The following PTPRD variants were observed in gnomAD, a reference collection of about 807,000 sequenced individuals.
PTPRD encodes receptor-type tyrosine-protein phosphatase delta.
PTPRD carries 34 observed loss-of-function variants against 214.5 expected under a neutral mutation model. That is an observed-to-expected ratio of 0.16 (90% confidence interval 0.12 to 0.21). The LOEUF (loss-of-function observed/expected upper bound fraction) is 0.21. Among genes scored for constraint, PTPRD ranks in the 10% least tolerant of loss-of-function variants. The pLI is 1.00. For missense variants in PTPRD, 2,545 were observed against 2,398.7 expected (o/e 1.06, Z -1.27); for synonymous variants, 1,128 against 845.7 (o/e 1.33, Z -5.79).
At chr9:10,410,253 G>GTATATA (rs34284610) in intron 2 of PTPRD, among the ~76,000 whole-genome samples, 6,098 of 126,972 alleles carry the variant, frequency 0.048, 280 homozygotes, top group East Asian at 0.16. Context: ...CATATTTTGT[G>GTATATA]TATATATATA....
intron 10 of PTPRD, among the ~76,000 whole-genome samples, chr9:9,048,174 T>C (rs1262253895): frequency 6.6e-6 from 1 of 152,070 alleles, no homozygotes; most frequent in Non-Finnish European, 1.5e-5. Flanking sequence ...AGGATGTGAA[T>C]AAAATGGAAC....
chr9:9,831,317 G>A (rs977244107), intron 5 of PTPRD, among the ~76,000 whole-genome samples: 1 of 152,018 alleles, frequency 6.6e-6, no homozygotes. Context: ...TTAGCCTCAG[G>A]CTGAGGTAAC....
intron 9 of PTPRD, among the ~76,000 whole-genome samples, chr9:9,301,044 A>G (rs1419753544): frequency 1.3e-5 from 2 of 151,804 alleles, no homozygotes; most frequent in Non-Finnish European, 2.9e-5. Context: ...CTTATTCAGT[A>G]TCTGGCACAA....
chr9:10,124,459 A>T (rs1591755644), intron 3 of PTPRD, among the ~76,000 whole-genome samples: 1 of 152,142 alleles, frequency 6.6e-6, no homozygotes, highest in East Asian at 1.9e-4. Context: ...CTTTCACCTC[A>T]GTTTGGCCAC....
chr9:9,768,801 A>G (rs937430607), intron 5 of PTPRD, among the ~76,000 whole-genome samples: 4 of 152,240 alleles, frequency 2.6e-5, no homozygotes, highest in Admixed American at 2.6e-4. Context: ...AATAGTCAGC[A>G]TTACTGCCAG....
chr9:9,097,814 C>T (rs960446043), intron 10 of PTPRD, among the ~76,000 whole-genome samples: 10 of 151,664 alleles, frequency 6.6e-5, no homozygotes, highest in South Asian at 2.1e-4. Context: ...CTATTTTTCA[C>T]GGATGCTTGT....
chr9:8,339,097 T>G, intron 42 of PTPRD, 50 bp from the exon 43 acceptor site: 2 of 1,550,236 alleles, frequency 1.3e-6, no homozygotes, highest in Non-Finnish European at 1.8e-6. Flanking sequence ...TAAAGAACAT[T>G]CTGTATATTA....
At chr9:10,140,078 T>A (rs2098972602) in intron 3 of PTPRD, among the ~76,000 whole-genome samples, 2 of 151,464 alleles carry the variant, frequency 1.3e-5, no homozygotes, top group South Asian at 4.2e-4. Flanking sequence ...AGCAAGAGAG[T>A]TTCTCTTGAT....
intron 5 of PTPRD, among the ~76,000 whole-genome samples, chr9:9,845,855 T>A (rs1338984197): frequency 3.9e-5 from 6 of 152,058 alleles, no homozygotes; most frequent in Non-Finnish European, 2.9e-5. Context: ...AGCTAACTGG[T>A]TGTCAGTTAT....
At chr9:9,595,149 C>T (rs2093167360) in intron 7 of PTPRD, among the ~76,000 whole-genome samples, 1 of 151,420 alleles carries the variant, frequency 6.6e-6, no homozygotes, top group East Asian at 2.0e-4. Context: ...GAATGTAAAC[C>T]AGTGCAACCG....
At chr9:10,059,014 T>A (rs1017575043) in intron 3 of PTPRD, among the ~76,000 whole-genome samples, 10 of 152,146 alleles carry the variant, frequency 6.6e-5, no homozygotes, top group African/African-American at 2.4e-4. Flanking sequence ...AATAAATTCA[T>A]TTACTTTGAA....
At chr9:10,596,657 T>C (rs1360366071) in intron 2 of PTPRD, among the ~76,000 whole-genome samples, 1 of 151,660 alleles carries the variant, frequency 6.6e-6, no homozygotes, top group Non-Finnish European at 1.5e-5. Flanking sequence ...AGTGTAATGA[T>C]AAACATCCCT....
At chr9:10,380,462 G>A (rs182944405) in intron 2 of PTPRD, among the ~76,000 whole-genome samples, 1 of 152,098 alleles carries the variant, frequency 6.6e-6, no homozygotes, top group African/African-American at 2.4e-5. Flanking sequence ...CTTTGCATCA[G>A]AAAGGTTTAT....
chr9:8,380,543 G>A (rs79050729), intron 37 of PTPRD, among the ~76,000 whole-genome samples: 2,856 of 152,242 alleles, frequency 0.019, 40 homozygotes, highest in South Asian at 0.054. Context: ...TTACCCTTAA[G>A]TGGAGCTTTC....
intron 4 of PTPRD, among the ~76,000 whole-genome samples, chr9:9,986,502 G>C (rs1355782966): frequency 6.6e-6 from 1 of 152,110 alleles, no homozygotes; most frequent in South Asian, 2.1e-4. Context: ...ATGTATGCAT[G>C]TGTAAACCCA....
chr9:10,128,526 C>A (rs1213623425), intron 3 of PTPRD, among the ~76,000 whole-genome samples: 1 of 152,162 alleles, frequency 6.6e-6, no homozygotes, highest in African/African-American at 2.4e-5. Flanking sequence ...TTAGAAGAAG[C>A]CAATCCTGCT....
chr9:8,857,934 C>A (rs1475801018), intron 11 of PTPRD, among the ~76,000 whole-genome samples: 1 of 150,146 alleles, frequency 6.7e-6, no homozygotes. Context: ...CACCCCTACC[C>A]CCTTTTCCTC....
chr9:8,744,452 G>C (rs1270304898), intron 11 of PTPRD, among the ~76,000 whole-genome samples: 1 of 152,190 alleles, frequency 6.6e-6, no homozygotes, highest in African/African-American at 2.4e-5. Context: ...TTATACCACG[G>C]AATATGACTA....
chr9:9,094,322 T>C lies in PTPRD; in HGVS notation c.-142-75587A>G, dbSNP rs192584192. On this transcript the variant is annotated intron_variant, in intron 10 of 45. Coordinates refer to ENST00000381196, the MANE Select transcript of PTPRD (RefSeq NM_002839.4). ...GTGGATAAATAATATATATAAGACA[T>C]CGATTGCCACTCAGCCATAAAAAGG... Among the ~76,000 whole-genome samples the C allele has an allele frequency of 2.0e-3, 308 of 152,176 alleles. 1 individual carries two copies. The highest frequency in any genetic ancestry group is 7.0e-3 in the African/African-American group (290 of 41,532).
Sources: allele counts gnomAD v4.1 joint callset (sites outside exome capture counted in the v4.1 genomes callset), GRCh38; gene constraint gnomAD v4.1.1; transcripts MANE v1.5; gene names NCBI Gene and HGNC (gene_info 2026-07-23, HGNC 2026-07-21).